RGS9: variants seen among roughly 807,000 people sequenced by gnomAD.
RGS9 encodes regulator of G protein signaling 9.
Under a neutral mutation model 102.0 loss-of-function variants are expected in RGS9, and 78 were observed. The ratio of observed to expected loss-of-function variants is 0.76; its 90% CI spans 0.64 to 0.92. RGS9 has a LOEUF of 0.92. Among genes scored for constraint, RGS9 ranks in the 40% least tolerant of loss-of-function variants. The pLI is 0.00. For synonymous variants in RGS9, 353 were observed against 318.6 expected (o/e 1.11, Z -1.15); for missense variants, 833 against 866.1 (o/e 0.96, Z 0.48).
rs752108846 is a variant in RGS9, at chr17:65,225,419, G to T, written c.1825G>T (p.Gly609Trp). ...ACCCAAGTGCCCTGCTGTGTCCCAC[G>T]GGAGGGTGCAGCCCCTGGGGGACGT... ...LSPKCPAVSH[G>W]RVQPLGDVGQ... The change falls in exon 18 of 19, where the codon GGG becomes TGG. Residue 609 changes from glycine (G) to tryptophan (W), a missense_variant. Transcript: ENST00000262406. 2.5e-6 allele frequency: 4 copies of T among 1,610,390 alleles called. No homozygotes were observed. Among genetic ancestry groups the T allele is most frequent in the Non-Finnish European group, 3.4e-6 (4 of 1,180,034 alleles).
At position 65,163,276 on chromosome 17, in the gene RGS9, G is replaced by A. The variant is rs370504711; in HGVS notation, c.500+187G>A. Among the ~76,000 whole-genome samples the A allele has an allele frequency of 4.2e-4, 64 of 151,484 alleles. No homozygotes were observed. The East Asian group carries it at 0.011, about 26-fold the overall frequency. On this transcript the variant is annotated intron_variant, in intron 7 of 18. Transcript: ENST00000262406. ...TGCAACCTCCGCCTCCTGGGTTCAA[G>A]CGATTCTCCTGCCTTGCCTCCCAAG...
chr17:65,202,377 T>A (rs969180872), intron 14 of RGS9, among the ~76,000 whole-genome samples: 1 of 151,648 alleles, frequency 6.6e-6, no homozygotes, highest in African/African-American at 2.4e-5. Context: ...GTGCTCTGTC[T>A]TTGACTAAAG....
chr17:65,187,899 A>G (rs7220710), intron 9 of RGS9, among the ~76,000 whole-genome samples: 37,907 of 152,090 alleles, frequency 0.25, 7,265 homozygotes, highest in African/African-American at 0.54. Flanking sequence ...GGGAGACTGA[A>G]GCAGGAGAAT....
chr17:65,163,427 C>T (rs1423294398), intron 7 of RGS9, among the ~76,000 whole-genome samples: 1 of 151,876 alleles, frequency 6.6e-6, no homozygotes, highest in African/African-American at 2.4e-5. Flanking sequence ...CTCCTGACCT[C>T]GTGATCAGCC....
chr17:65,202,467 GT>G (rs1912896957), intron 14 of RGS9, among the ~76,000 whole-genome samples: 1 of 139,484 alleles, frequency 7.2e-6, no homozygotes, highest in Non-Finnish European at 1.6e-5. Flanking sequence ...GAGAGAGAGA[GT>G]GAGAGAGAGA....
intron 1 of RGS9, among the ~76,000 whole-genome samples, chr17:65,145,614 C>T (rs145476853): frequency 0.031 from 4,719 of 151,122 alleles, 241 homozygotes; most frequent in African/African-American, 0.099. Context: ...AGGCTGGTCT[C>T]GAACTCCTGA....
intron 1 of RGS9, among the ~76,000 whole-genome samples, chr17:65,142,323 C>T (rs533094010): frequency 1.3e-4 from 20 of 152,242 alleles, no homozygotes; most frequent in Admixed American, 9.8e-4. Context: ...CTAGGTCATG[C>T]TACAGAGTTT....
At chr17:65,179,635 CTGTGTGTGTG>C (rs56275900) in intron 9 of RGS9, among the ~76,000 whole-genome samples, 260 of 125,088 alleles carry the variant, frequency 2.1e-3, no homozygotes, top group Middle Eastern at 8.4e-3. Context: ...TACTGCTCAG[CTGTGTGTGTG>C]TGTGTGTGTG....
At chr17:65,219,605 T>A (rs759522995) in intron 17 of RGS9, among the ~76,000 whole-genome samples, 1 of 152,222 alleles carries the variant, frequency 6.6e-6, no homozygotes, top group Non-Finnish European at 1.5e-5. Flanking sequence ...AGTTATTCTG[T>A]AAGTACAAGG....
chr17:65,223,563 A>G (rs1905459052), intron 17 of RGS9, among the ~76,000 whole-genome samples: 1 of 152,208 alleles, frequency 6.6e-6, no homozygotes, highest in Non-Finnish European at 1.5e-5. Flanking sequence ...TGCAGGAGCC[A>G]CCTGCTCAGG....
In RGS9 at chr17:65,195,594, G is replaced by A. The variant is rs559632175; in HGVS notation, c.861-1532G>A. The stretch of plus-strand genomic sequence containing the variant: ...TTTCACCCCTTTCCCCTGAGTCCCC[G>A]AAGTGCATCGTGTCATTCATAAGCC... On this transcript the variant is annotated intron_variant, in intron 12 of 18. Transcript: ENST00000262406. 6.6e-5 allele frequency among the ~76,000 whole-genome samples: 10 copies of A among 152,094 alleles called. No individual in the cohort carries two copies. In the East Asian group the frequency reaches 7.7e-4, roughly 12 times the overall value.
chr17:65,194,187 A>G (rs1356449675), intron 12 of RGS9, among the ~76,000 whole-genome samples: 1 of 152,230 alleles, frequency 6.6e-6, no homozygotes, highest in Non-Finnish European at 1.5e-5. Flanking sequence ...TTCACTTAGC[A>G]TCATGTTTTC....
intron 17 of RGS9, among the ~76,000 whole-genome samples, chr17:65,223,330 G>C (rs914921871): frequency 3.3e-5 from 5 of 152,222 alleles, no homozygotes; most frequent in Admixed American, 2.6e-4. Flanking sequence ...TGGGCAGTGA[G>C]GGGGAATGAT....
chr17:65,204,308 G>A lies in RGS9; in HGVS notation c.1203+7G>A. The stretch of plus-strand genomic sequence containing the variant: ...TTACATGCTCATGAAGAAGGTAGGT[G>A]GGTCCGTGCTGTGGATACGGGGTCC... On this transcript the variant is annotated splice_region_variant and intron_variant, in intron 15 of 18. Coordinates refer to ENST00000262406, the MANE Select transcript of RGS9 (RefSeq NM_003835.4). The A allele has an allele frequency of 6.2e-7, 1 of 1,613,534 alleles. No individual in the cohort carries two copies. Among genetic ancestry groups the A allele is most frequent in the Non-Finnish European group, 8.5e-7 (1 of 1,179,940 alleles).
rs143183628 is a variant in RGS9 at position 65,169,828 on chromosome 17, C to T, written c.582+1547C>T. On this transcript the variant is annotated intron_variant, in intron 8 of 18. Transcript: ENST00000262406. ...GTGTCTCTATGACCACTGCCTCCCCCCCAGCCCATCTCCACCACCATGACC... is the reference window on the plus strand; with the variant it reads ...GTGTCTCTATGACCACTGCCTCCCCTCCAGCCCATCTCCACCACCATGACC... Among the ~76,000 whole-genome samples, 542 of 152,144 alleles carry T rather than the reference C, an allele frequency of 3.6e-3. 4 individuals are homozygous for T. Among genetic ancestry groups the T allele is most frequent in the African/African-American group, 0.012 (506 of 41,492 alleles).
chr17:65,169,627 C>T (rs901802971), intron 8 of RGS9, among the ~76,000 whole-genome samples: 4 of 152,204 alleles, frequency 2.6e-5, no homozygotes, highest in Admixed American at 6.5e-5. Flanking sequence ...CCTCACTGTG[C>T]GAATGCCTAT....
intron 13 of RGS9, among the ~76,000 whole-genome samples, chr17:65,201,244 T>C (rs957083471): frequency 2.6e-5 from 4 of 152,066 alleles, no homozygotes; most frequent in Admixed American, 1.3e-4. Flanking sequence ...GAACCTCGAG[T>C]TGGAGGGAGA....
intron 8 of RGS9, 46 bp downstream of exon 8, chr17:65,168,327 C>G: frequency 7.6e-7 from 1 of 1,317,640 alleles, no homozygotes; most frequent in Non-Finnish European, 1.1e-6. Flanking sequence ...CCTGTGCCTC[C>G]CACCTCCATC....
rs185601086 is a variant in RGS9, at chr17:65,165,405, G to T, written c.500+2316G>T. On this transcript the variant is annotated intron_variant, in intron 7 of 18. Transcript: ENST00000262406. ...TTTCCCACTTATTTTATGGCTTAAA[G>T]GCTGCCTCTGATTTCAGATTTAGGG... Among the ~76,000 whole-genome samples the T allele has an allele frequency of 1.8e-4, 28 of 152,246 alleles. No homozygotes were observed. In the East Asian group the frequency reaches 4.3e-3, roughly 23 times the overall value.
Sources: gnomAD v4.1 joint callset for allele counts (sites outside exome capture counted in the v4.1 genomes callset) on GRCh38, gnomAD v4.1.1 for gene constraint, MANE v1.5 for transcripts, NCBI Gene and HGNC (gene_info 2026-07-23, HGNC 2026-07-21) for gene names.